CACNA2D3: variants seen among roughly 807,000 people sequenced by gnomAD.
CACNA2D3 encodes voltage-dependent calcium channel subunit alpha-2/delta-3.
A neutral mutation model predicts 160.6 loss-of-function variants in CACNA2D3; 60 were observed. The observed-to-expected ratio is 0.37, with a 90% CI of 0.30 to 0.46. The LOEUF is 0.46. CACNA2D3 is among the 20% of genes least tolerant of loss of function. CACNA2D3 has a pLI of 1.00. For synonymous variants in CACNA2D3, 558 were observed against 492.9 expected (o/e 1.13, Z -1.75); for missense variants, 1,205 against 1,365.0 (o/e 0.88, Z 1.85).
At chr3:54,169,525 C>G (rs1700520811) in intron 2 of CACNA2D3, among the ~76,000 whole-genome samples, 1 of 151,914 alleles carries the variant, frequency 6.6e-6, no homozygotes, top group Non-Finnish European at 1.5e-5. Flanking sequence ...GATACTTGCC[C>G]TCATGAAGCT....
chr3:54,465,521 G>C (rs1454630267), intron 4 of CACNA2D3, among the ~76,000 whole-genome samples: 2 of 152,136 alleles, frequency 1.3e-5, no homozygotes, highest in East Asian at 3.9e-4. Flanking sequence ...GGCATCCACT[G>C]GGAGTCTTGG....
At chr3:54,792,615 G>A (rs1198665697) in intron 13 of CACNA2D3, among the ~76,000 whole-genome samples, 3 of 152,096 alleles carry the variant, frequency 2.0e-5, no homozygotes, top group Non-Finnish European at 4.4e-5. Flanking sequence ...CCTGTGTGCA[G>A]TCAAGATCGT....
chr3:54,633,260 G>T (rs891434805), intron 10 of CACNA2D3, among the ~76,000 whole-genome samples: 2 of 152,172 alleles, frequency 1.3e-5, no homozygotes, highest in African/African-American at 4.8e-5. Context: ...TGCTCAATTG[G>T]AGAGTAGATT....
rs895730917 is a variant in CACNA2D3, at chr3:54,567,303, A to G, written c.677-2492A>G. Among the ~76,000 whole-genome samples the G allele has an allele frequency of 9.9e-5, 15 of 152,186 alleles. 1 individual carries two copies. Among genetic ancestry groups the G allele is most frequent in the Non-Finnish European group, 1.2e-4 (8 of 68,040 alleles). The stretch of plus-strand genomic sequence containing the variant: ...ATATTTTAGATCTAAAGTTATCTGG[A>G]AGGTATGTGTTTAAACTTTAAATTA... On this transcript the variant is annotated intron_variant, in intron 6 of 37. Transcript: ENST00000474759.
In CACNA2D3 at chr3:55,008,888, TAC is replaced by T. The variant is rs4024588; in HGVS notation, c.2820-464_2820-463del. On this transcript the variant is annotated intron_variant, in intron 33 of 37. Coordinates refer to ENST00000474759, the MANE Select transcript of CACNA2D3 (RefSeq NM_018398.3). ...GAGAAGTCTGTTCCACCTCCCTCTA[TAC>T]ACACACACACACACACACACACACA... Among the ~76,000 whole-genome samples, 1,157 of 142,940 alleles carry T rather than the reference TAC, an allele frequency of 8.1e-3. 8 individuals are homozygous for T. The highest frequency in any genetic ancestry group is 0.014 in the East Asian group (66 of 4,746). The allele number at this position is 142,940 out of a possible 152,430, so 93.8% of individuals were successfully genotyped here. A position where few individuals can be genotyped will look rare whatever the true frequency, so the allele number is the denominator to read the frequency against.
chr3:54,317,864 A>G (rs1310152096), intron 2 of CACNA2D3, among the ~76,000 whole-genome samples: 1 of 152,142 alleles, frequency 6.6e-6, no homozygotes, highest in Non-Finnish European at 1.5e-5. Flanking sequence ...TAACACACGC[A>G]GTTTCTCCAT....
intron 11 of CACNA2D3, among the ~76,000 whole-genome samples, chr3:54,691,244 T>C (rs1157113505): frequency 6.6e-6 from 1 of 152,168 alleles, no homozygotes; most frequent in Non-Finnish European, 1.5e-5. Flanking sequence ...GCCATGGAAA[T>C]AGCCTTTCTC....
intron 35 of CACNA2D3, among the ~76,000 whole-genome samples, chr3:55,060,045 T>G (rs2107219341): frequency 1.3e-5 from 2 of 152,174 alleles, no homozygotes; most frequent in South Asian, 4.2e-4. Flanking sequence ...CAGGAATAAC[T>G]GTTCCCATTT....
At chr3:54,997,109 C>T (rs2107125226) in intron 31 of CACNA2D3, among the ~76,000 whole-genome samples, 1 of 152,222 alleles carries the variant, frequency 6.6e-6, no homozygotes, top group Non-Finnish European at 1.5e-5. Context: ...CACCATGGCA[C>T]ATGTATACCT....
At chr3:55,009,335 T>G in intron 33 of CACNA2D3, 53 bp from the exon 34 acceptor site, 28 of 1,455,698 alleles carry the variant, frequency 1.9e-5, no homozygotes, top group South Asian at 4.6e-5. Context: ...CACTGTTCTG[T>G]GATATGGGCA....
At chr3:54,279,306 G>A (rs569630584) in intron 2 of CACNA2D3, among the ~76,000 whole-genome samples, 3 of 152,308 alleles carry the variant, frequency 2.0e-5, no homozygotes, top group Non-Finnish European at 4.4e-5. Flanking sequence ...ACCACTCATG[G>A]CTGCAGGCGG....
Position 54,562,891 on chromosome 3 carries a change from G to A in CACNA2D3, c.636G>A (p.Gln212=), listed in dbSNP as rs1702350019. 1.2e-6 allele frequency: 2 copies of A among 1,613,690 alleles called. No homozygotes were observed. Among genetic ancestry groups the A allele is most frequent in the Non-Finnish European group, 1.7e-6 (2 of 1,179,644 alleles). Residue 212 remains glutamine, a synonymous_variant, in exon 6 of 38, where the codon CAG becomes CAA. Coordinates refer to ENST00000474759, the MANE Select transcript of CACNA2D3 (RefSeq NM_018398.3). ...NFDRDPSLIW[Q]YFGSAKGFFR... ...ACCGTGACCCATCTCTCATATGGCAGTACTTTGGAAGTGCAAAGGGCTTTT... is the reference window on the plus strand; with the variant it reads ...ACCGTGACCCATCTCTCATATGGCAATACTTTGGAAGTGCAAAGGGCTTTT...
chr3:54,497,975 T>C (rs1701228209), intron 4 of CACNA2D3, among the ~76,000 whole-genome samples: 1 of 151,794 alleles, frequency 6.6e-6, no homozygotes, highest in Admixed American at 6.6e-5. Context: ...CCTTTATTTA[T>C]AGGTGGATTT....
At chr3:54,867,635 C>G (rs1160697917) in intron 17 of CACNA2D3, among the ~76,000 whole-genome samples, 1 of 151,974 alleles carries the variant, frequency 6.6e-6, no homozygotes, top group Non-Finnish European at 1.5e-5. Context: ...CAGGTGCACA[C>G]ACCACCTTTT....
intron 4 of CACNA2D3, among the ~76,000 whole-genome samples, chr3:54,409,737 A>G (rs746838847): frequency 6.6e-6 from 1 of 152,228 alleles, no homozygotes; most frequent in Non-Finnish European, 1.5e-5. Context: ...CAGACCTGTC[A>G]CAATACTTCC....
At chr3:54,141,076 T>TGTGTGTGTGTGTGTGG in intron 2 of CACNA2D3, among the ~76,000 whole-genome samples, 1 of 122,454 alleles carries the variant, frequency 8.2e-6, no homozygotes, top group Admixed American at 8.4e-5. Context: ...TGTGTGTGTG[T>TGTGTGTGTGTGTGTGG]GTGTGTGTGT....
intron 13 of CACNA2D3, among the ~76,000 whole-genome samples, chr3:54,804,318 A>C (rs374373934): frequency 0.022 from 3,344 of 151,826 alleles, 99 homozygotes; most frequent in African/African-American, 0.074. Context: ...CCCATCTCAC[A>C]TGCAGAGACA....
chr3:54,736,109 GTATATATATACATATATATATGTA>G (rs1701520026), intron 11 of CACNA2D3, among the ~76,000 whole-genome samples: 2 of 20,080 alleles, frequency 1.0e-4, no homozygotes, highest in Non-Finnish European at 2.5e-4. Context: ...ACATATATAT[GTATATATATACATATATATATGTA>G]TATATATACA....
intron 2 of CACNA2D3, among the ~76,000 whole-genome samples, chr3:54,301,737 C>T (rs1428700197): frequency 6.6e-6 from 1 of 151,992 alleles, no homozygotes; most frequent in East Asian, 1.9e-4. Context: ...CACATGGGCG[C>T]ACACACACAC....
Sources: allele counts gnomAD v4.1 joint callset (sites outside exome capture counted in the v4.1 genomes callset), GRCh38; gene constraint gnomAD v4.1.1; transcripts MANE v1.5; gene names NCBI Gene and HGNC (gene_info 2026-07-23, HGNC 2026-07-21).